WNK2: variants seen among roughly 807,000 people sequenced by gnomAD.
The protein encoded by WNK2 is WNK lysine deficient protein kinase 2, also known as serine/threonine-protein kinase WNK2.
WNK2 carries 67 observed loss-of-function variants against 192.1 expected under a neutral mutation model. The observed-to-expected ratio is 0.35, with a 90% CI of 0.29 to 0.43. The LOEUF (loss-of-function observed/expected upper bound fraction) is 0.43. WNK2 is among the 20% of genes least tolerant of loss of function. WNK2 has a pLI of 1.00. For synonymous variants in WNK2, 1,439 were observed against 1,393.9 expected (o/e 1.03, Z -0.72); for missense variants, 2,698 against 3,089.7 (o/e 0.87, Z 3.01).
At chr9:93,205,990 ATTG>A (rs144714957) in intron 2 of WNK2, among the ~76,000 whole-genome samples, 17,182 of 152,058 alleles carry the variant, frequency 0.11, 1,429 homozygotes, top group African/African-American at 0.22. Flanking sequence ...CCTGGAGGCA[ATTG>A]TTGTTGAGTG....
chr9:93,258,870 AG>A, intron 11 of WNK2, 60 bp from the exon 12 acceptor site: 1 of 1,464,930 alleles, frequency 6.8e-7, no homozygotes, highest in Middle Eastern at 1.8e-4. Flanking sequence ...CTTGCATGCA[AG>A]TGCTGTGGGC....
At chr9:93,258,908 A>G (rs1385816583) in intron 11 of WNK2, 23 bp from the exon 12 acceptor site, 1 of 1,595,192 alleles carries the variant, frequency 6.3e-7, no homozygotes, top group South Asian at 1.1e-5. Flanking sequence ...GCCCACACTG[A>G]CACACTCCTG....
chr9:93,218,885 G>A (rs58228786), intron 2 of WNK2, among the ~76,000 whole-genome samples: 10,547 of 152,278 alleles, frequency 0.069, 559 homozygotes, highest in African/African-American at 0.15. Flanking sequence ...CCCTGCCTCC[G>A]AAGGAGAACA....
At chr9:93,193,689 C>A (rs137925698) in intron 2 of WNK2, among the ~76,000 whole-genome samples, 1 of 152,164 alleles carries the variant, frequency 6.6e-6, no homozygotes, top group Non-Finnish European at 1.5e-5. Flanking sequence ...TGAGTGGGGA[C>A]GCTGGAGGTT....
intron 2 of WNK2, among the ~76,000 whole-genome samples, chr9:93,222,596 A>T (rs1234103139): frequency 6.6e-6 from 1 of 152,150 alleles, no homozygotes; most frequent in Non-Finnish European, 1.5e-5. Context: ...AAAGAAGTCT[A>T]GGGGCACATC....
chr9:93,186,769 T>C (rs1412389685), intron 2 of WNK2, among the ~76,000 whole-genome samples: 1 of 152,214 alleles, frequency 6.6e-6, no homozygotes, highest in Non-Finnish European at 1.5e-5. Context: ...TCAGCCTTTC[T>C]CCCAAGACAA....
chr9:93,243,163 G>T (rs1419730838), intron 7 of WNK2, among the ~76,000 whole-genome samples: 1 of 152,110 alleles, frequency 6.6e-6, no homozygotes, highest in Non-Finnish European at 1.5e-5. Context: ...TGCCTGTCTT[G>T]GGTTCTGTCC....
chr9:93,236,418 T>C (rs2132182474), intron 5 of WNK2, among the ~76,000 whole-genome samples: 1 of 152,272 alleles, frequency 6.6e-6, no homozygotes, highest in South Asian at 2.1e-4. Context: ...CTTGGGAAAA[T>C]TTATGCTTTA....
At chr9:93,202,888 G>C (rs1832730252) in intron 2 of WNK2, among the ~76,000 whole-genome samples, 2 of 152,250 alleles carry the variant, frequency 1.3e-5, no homozygotes, top group South Asian at 4.1e-4. Context: ...TTGTGGGGGT[G>C]GGGGTTCTTG....
chr9:93,217,357 A>C (rs951524762), intron 2 of WNK2, among the ~76,000 whole-genome samples: 1 of 152,224 alleles, frequency 6.6e-6, no homozygotes, highest in African/African-American at 2.4e-5. Flanking sequence ...CATTAGCCAC[A>C]TGTGTAGCTA....
intron 2 of WNK2, among the ~76,000 whole-genome samples, chr9:93,211,590 TC>T (rs541549523): frequency 9.5e-4 from 135 of 141,362 alleles, no homozygotes; most frequent in African/African-American, 3.5e-3. Flanking sequence ...ACTCATTTAC[TC>T]ACTCATCCAC....
intron 2 of WNK2, among the ~76,000 whole-genome samples, chr9:93,190,979 T>C (rs756508812): frequency 6.6e-6 from 1 of 152,142 alleles, no homozygotes; most frequent in Non-Finnish European, 1.5e-5. Flanking sequence ...CCGGGACACA[T>C]CAGGGCTGGA....
intron 7 of WNK2, among the ~76,000 whole-genome samples, chr9:93,243,877 G>T (rs1841213695): frequency 6.6e-6 from 1 of 152,264 alleles, no homozygotes; most frequent in African/African-American, 2.4e-5. Context: ...CTTGATGTTG[G>T]TGCATCTGCT....
Position 93,259,600 on chromosome 9 carries a change from A to G in WNK2, c.3052A>G (p.Thr1018Ala), listed in dbSNP as rs752138228. The G allele has an allele frequency of 6.3e-7, 1 of 1,587,874 alleles. No individual in the cohort carries two copies. The highest frequency in any genetic ancestry group is 8.5e-7 in the Non-Finnish European group (1 of 1,174,568). ...HLPEQAAPAA[T>A]PGSQILLGHP... ...TCCTGAACAAGCTGCTCCAGCTGCT[A>G]CACCAGGGAGCCAGGTAATCACCTG... The change falls in exon 12 of 30, where the codon ACA (threonine) becomes GCA (alanine). Residue 1018 changes from threonine (T) to alanine (A), a missense_variant. Thr to Ala is a moderately conservative substitution (Grantham distance 58). Coordinates refer to ENST00000427277, the MANE Select transcript of WNK2 (RefSeq NM_006648.4). The surrounding 1 kb of genome is among the most constrained non-coding windows in gnomAD (Gnocchi z 4.8).
chr9:93,265,798 G>A (rs940461598), intron 16 of WNK2, among the ~76,000 whole-genome samples: 7 of 152,212 alleles, frequency 4.6e-5, no homozygotes, highest in Non-Finnish European at 4.4e-5. Flanking sequence ...ACATCAGCCT[G>A]TGTCGTGTCC....
chr9:93,304,290 C>T (rs1051887949), intron 26 of WNK2, among the ~76,000 whole-genome samples: 12 of 152,188 alleles, frequency 7.9e-5, no homozygotes, highest in African/African-American at 2.7e-4. Context: ...CCTCCACTTG[C>T]GCCTGGGGGG....
At chr9:93,318,888 G>T in intron 29 of WNK2, 3 of 1,400,952 alleles carry the variant, frequency 2.1e-6, no homozygotes, top group Non-Finnish European at 2.8e-6. Flanking sequence ...GCTTGGGACT[G>T]CCCAGCTGTG....
Position 93,288,960 on chromosome 9 carries a change from C to A in WNK2, c.4206C>A (p.Ala1402=). 6.2e-7 allele frequency: 1 copy of A among 1,605,500 alleles called. No homozygotes were observed. Among genetic ancestry groups the A allele is most frequent in the South Asian group, 1.1e-5 (1 of 89,638 alleles). The change falls in exon 20 of 30, where the codon GCC becomes GCA. Residue 1402 remains alanine, a synonymous_variant. Transcript: ENST00000427277. ...TGCCCCAAGATGGAGCAGCTCCAGC[C>A]ACCAGCACCATGCCAGAGCCAGCGT... ...TALPQDGAAP[A]TSTMPEPASG... is the part of the protein sequence containing the mutation.
intron 2 of WNK2, among the ~76,000 whole-genome samples, chr9:93,201,447 G>T (rs567832076): frequency 6.6e-6 from 1 of 152,258 alleles, no homozygotes; most frequent in African/African-American, 2.4e-5. Flanking sequence ...GAGGTGGAAC[G>T]TGGAGAACAC....
Sources: gnomAD v4.1 joint callset for allele counts (sites outside exome capture counted in the v4.1 genomes callset) on GRCh38, gnomAD v4.1.1 for gene constraint, Gnocchi (gnomAD v3.1) non-coding constraint, MANE v1.5 for transcripts, NCBI Gene and HGNC (gene_info 2026-07-23, HGNC 2026-07-21) for gene names.